GEMIN6: variants seen among roughly 807,000 people sequenced by gnomAD.
The protein encoded by GEMIN6 is gem nuclear organelle associated protein 6.
In GEMIN6, 13 loss-of-function variants were observed where a neutral mutation model predicts 14.1. The observed-to-expected ratio is 0.92, with a 90% CI of 0.60 to 1.46. GEMIN6 has a LOEUF of 1.46. Ranked by LOEUF, GEMIN6 falls within the 40% of genes most tolerant of loss-of-function variation. The pLI is 0.00. For missense variants in GEMIN6, 271 were observed against 202.4 expected (o/e 1.34, Z -2.06); for synonymous variants, 87 against 70.0 (o/e 1.24, Z -1.21).
intron 2 of GEMIN6, chr2:38,779,470 A>T: frequency 3.8e-6 from 1 of 265,060 alleles, no homozygotes; most frequent in South Asian, 3.3e-5. Flanking sequence ...ATCTCCAAGG[A>T]TCTGCCCACC....
At chr2:38,781,354 TG>T (rs1295560540) in intron 2 of GEMIN6, among the ~76,000 whole-genome samples, 162 bp from the exon 3 acceptor site, 2 of 152,210 alleles carry the variant, frequency 1.3e-5, no homozygotes, top group Non-Finnish European at 2.9e-5. Flanking sequence ...GGCTGTAGGC[TG>T]GGCAAAAAGT....
In GEMIN6 at chr2:38,783,310, C is replaced by G. The variant is rs1669131894; in HGVS notation, c.*1418C>G. On this transcript the variant is annotated 3_prime_UTR_variant, in exon 3 of 3. Coordinates refer to ENST00000281950, the MANE Select transcript of GEMIN6 (RefSeq NM_024775.10). Reference sequence around the variant, plus strand: ...TCAAGCCATTCTCCTGCCTCAGCCCCCTCAGTAGCTGGGATTACCAGGCAC... The same window carrying G: ...TCAAGCCATTCTCCTGCCTCAGCCCGCTCAGTAGCTGGGATTACCAGGCAC... The G allele has an allele frequency of 6.6e-6, 1 of 152,438 alleles. No individual in the cohort carries two copies. Among genetic ancestry groups the G allele is most frequent in the East Asian group, 1.9e-4 (1 of 5,200 alleles). 9.4% of individuals were successfully genotyped at this position (152,438 alleles called of 1,614,324 possible).
rs1669140674 is a variant in GEMIN6 at position 38,783,646 on chromosome 2, A to G, written c.*1754A>G. On this transcript the variant is annotated 3_prime_UTR_variant, in exon 3 of 3. Coordinates refer to ENST00000281950, the MANE Select transcript of GEMIN6 (RefSeq NM_024775.10). The stretch of plus-strand genomic sequence containing the variant: ...CCAGCTGTAAGAAATATTTTAAAAT[A>G]TTTAAGCTTCAGGGCCTTTGAATAC... The G allele has an allele frequency of 1.3e-5, 2 of 152,218 alleles. No individual in the cohort carries two copies. The highest frequency in any genetic ancestry group is 3.4e-3 in the Middle Eastern group (1 of 294). The allele number at this position is 152,218 out of a possible 1,614,324, so 9.4% of individuals were successfully genotyped here.
chr2:38,779,650 ATATATATATATATATTTT>A (rs1669032438), intron 2 of GEMIN6, among the ~76,000 whole-genome samples: 2 of 24,880 alleles, frequency 8.0e-5, no homozygotes, highest in Admixed American at 4.4e-4. Context: ...ATATATATAT[ATATATATATATATATTTT>A]TTTTTTTTTT....
chr2:38,783,778 G>T lies in GEMIN6; in HGVS notation c.*1886G>T, dbSNP rs1669144108. 6.6e-6 allele frequency: 1 copy of T among 151,892 alleles called. No homozygotes were observed. Among genetic ancestry groups the T allele is most frequent in the African/African-American group, 2.4e-5 (1 of 41,326 alleles). 9.4% of individuals were successfully genotyped at this position (151,892 alleles called of 1,614,324 possible). ...AGCATCAGAATCAGCAAATATTTAGGTTTCAGGGCCTTTGAATACAGTCTG... is the reference window on the plus strand; with the variant it reads ...AGCATCAGAATCAGCAAATATTTAGTTTTCAGGGCCTTTGAATACAGTCTG... On this transcript the variant is annotated 3_prime_UTR_variant, in exon 3 of 3. Coordinates refer to ENST00000281950, the MANE Select transcript of GEMIN6 (RefSeq NM_024775.10).
Position 38,779,119 on chromosome 2 carries a change from G to C in GEMIN6, c.128+1G>C. On this transcript the variant is annotated splice_donor_variant, in intron 2 of 2. Transcript: ENST00000281950. LOFTEE classifies it high-confidence loss of function. ...TAACTACAGACCCAGTCTCTGCCAA[G>C]TGAGTATGCATCCTACTTGCCTGAA... 2 of 1,611,596 alleles carry C rather than the reference G, an allele frequency of 1.2e-6. No individual in the cohort carries two copies. The highest frequency in any genetic ancestry group is 8.5e-7 in the Non-Finnish European group (1 of 1,178,884).
chr2:38,784,071 C>CA lies in GEMIN6; in HGVS notation c.*2180dup, dbSNP rs1043151776. 3 of 152,198 alleles carry CA rather than the reference C, an allele frequency of 2.0e-5. No individual in the cohort carries two copies. The highest frequency in any genetic ancestry group is 7.2e-5 in the African/African-American group (3 of 41,446). 9.4% of individuals were successfully genotyped at this position (152,198 alleles called of 1,614,324 possible). A position where few individuals can be genotyped will look rare whatever the true frequency, so the allele number is the denominator to read the frequency against. On this transcript the variant is annotated 3_prime_UTR_variant, in exon 3 of 3. Transcript: ENST00000281950. ...TCAGGGGAACAGAAAGTTCCTCCCT[C>CA]ACGGCTTCAAAGTTCCATGATCCTG...
intron 2 of GEMIN6, chr2:38,779,357 A>T (rs760495721): frequency 1.1e-4 from 44 of 418,880 alleles, no homozygotes; most frequent in Middle Eastern, 5.7e-4. Flanking sequence ...TAGCCTCCCG[A>T]GTAGCTGGGA....
rs1669014659 is a variant in GEMIN6, at chr2:38,779,050, C to T, written c.60C>T (p.Val20=). 3 of 1,613,722 alleles carry T rather than the reference C, an allele frequency of 1.9e-6. No individual in the cohort carries two copies. Among genetic ancestry groups the T allele is most frequent in the South Asian group, 2.2e-5 (2 of 91,038 alleles). The change falls in exon 2 of 3, where the codon GTC becomes GTT. Residue 20 remains valine (V), a synonymous_variant. Coordinates refer to ENST00000281950, the MANE Select transcript of GEMIN6 (RefSeq NM_024775.10). ...LEWQDYIYKE[V]RVTASEKNEY... is the part of the protein sequence containing the mutation. ...GGCAAGATTACATTTACAAAGAGGT[C>T]CGAGTGACAGCCAGTGAGAAGAATG...
At chr2:38,781,473 C>T (rs755661752) in intron 2 of GEMIN6, 44 bp from the exon 3 acceptor site, 20 of 1,542,482 alleles carry the variant, frequency 1.3e-5, no homozygotes, top group Non-Finnish European at 1.7e-5. Context: ...TTTTAGTGAC[C>T]TACTTGGGTT....
At chr2:38,781,037 C>T (rs1007941585) in intron 2 of GEMIN6, among the ~76,000 whole-genome samples, 6 of 147,922 alleles carry the variant, frequency 4.1e-5, no homozygotes, top group Admixed American at 1.4e-4. Flanking sequence ...GGCATGATCT[C>T]GGCTCACTGC....
rs1669121717 is a variant in GEMIN6, at chr2:38,782,929, T to C, written c.*1037T>C. 6.6e-6 allele frequency: 1 copy of C among 151,964 alleles called. No homozygotes were observed. The highest frequency in any genetic ancestry group is 2.1e-4 in the South Asian group (1 of 4,796). 9.4% of individuals were successfully genotyped at this position (151,964 alleles called of 1,614,324 possible). ...TGTTCCCCAGGCTGGAGTGTAATAG[T>C]GCAATCTCGGCTTACCACAACCTCT... On this transcript the variant is annotated 3_prime_UTR_variant, in exon 3 of 3. Coordinates refer to ENST00000281950, the MANE Select transcript of GEMIN6 (RefSeq NM_024775.10).
In GEMIN6 at chr2:38,782,398, A is replaced by G. The variant is rs532477772; in HGVS notation, c.*506A>G. 6.6e-6 allele frequency: 1 copy of G among 152,532 alleles called. No homozygotes were observed. The highest frequency in any genetic ancestry group is 1.9e-4 in the East Asian group (1 of 5,166). The allele number at this position is 152,532 out of a possible 1,614,324, so 9.4% of individuals were successfully genotyped here. On this transcript the variant is annotated 3_prime_UTR_variant, in exon 3 of 3. Transcript: ENST00000281950. ...CACCCCCATTTTTGTTAGGCAAGAA[A>G]AGCATTTGGAAAAAAATGTAACATG...
chr2:38,781,514 A>G lies in GEMIN6; in HGVS notation c.129-3A>G, dbSNP rs1357622943. On this transcript the variant is annotated splice_polypyrimidine_tract_variant and splice_region_variant and intron_variant, in intron 2 of 2. Transcript: ENST00000281950. ...TGCCTCTAAACTTACTTTTCCTCCA[A>G]AGTATTGTCCTTGTGAACTTCCTTG... 6.3e-7 allele frequency: 1 copy of G among 1,599,500 alleles called. No individual in the cohort carries two copies. Among genetic ancestry groups the G allele is most frequent in the Admixed American group, 1.7e-5 (1 of 57,724 alleles).
Position 38,782,137 on chromosome 2 carries a change from CTTTTTTCT to C in GEMIN6, c.*260_*267del, listed in dbSNP as rs530706723. ...GGGACATCAGAATTGTATGGGTCTT[CTTTTTTCT>C]TTTTTTCTTTTTTTTTTGAGATGGA... On this transcript the variant is annotated 3_prime_UTR_variant, in exon 3 of 3. Coordinates refer to ENST00000281950, the MANE Select transcript of GEMIN6 (RefSeq NM_024775.10). 7.0e-4 allele frequency: 280 copies of C among 400,360 alleles called. No individual in the cohort carries two copies. The highest frequency in any genetic ancestry group is 5.3e-3 in the African/African-American group (254 of 48,274). The allele number at this position is 400,360 out of a possible 1,614,324, so 24.8% of individuals were successfully genotyped here. A position where few individuals can be genotyped will look rare whatever the true frequency, so the allele number is the denominator to read the frequency against.
At position 38,781,732 on chromosome 2, in the gene GEMIN6, T is replaced by A. The variant is rs1241966099; in HGVS notation, c.344T>A (p.Ile115Asn). The A allele has an allele frequency of 6.2e-7, 1 of 1,614,000 alleles. No individual in the cohort carries two copies. The highest frequency in any genetic ancestry group is 8.5e-7 in the Non-Finnish European group (1 of 1,180,012). ...AAGAAATGGCTTGAGAAGAACCACATCCCCATCACTGAACAGGGAGACGCT... is the reference window on the plus strand; with the variant it reads ...AAGAAATGGCTTGAGAAGAACCACAACCCCATCACTGAACAGGGAGACGCT... ...SLKKWLEKNH[I>N]PITEQGDAPR... Residue 115 changes from isoleucine to asparagine, a missense_variant, in exon 3 of 3, where the codon ATC (isoleucine) becomes AAC (asparagine). Coordinates refer to ENST00000281950, the MANE Select transcript of GEMIN6 (RefSeq NM_024775.10).
Position 38,781,790 on chromosome 2 carries a change from T to C in GEMIN6, c.402T>C (p.Thr134=). ...PRTLCVAGVL[T]IDPPYGPENC... is the part of the protein sequence containing the mutation. ...CTCTCTGTGTGGCTGGGGTCCTGAC[T>C]ATAGACCCACCATATGGTCCAGAAA... The change falls in exon 3 of 3, where the codon ACT becomes ACC. Residue 134 remains threonine, a synonymous_variant. Coordinates refer to ENST00000281950, the MANE Select transcript of GEMIN6 (RefSeq NM_024775.10). 6.2e-7 allele frequency: 1 copy of C among 1,614,184 alleles called. No homozygotes were observed. The highest frequency in any genetic ancestry group is 8.5e-7 in the Non-Finnish European group (1 of 1,180,032).
At chr2:38,778,917 A>G in intron 1 of GEMIN6, 55 bp from the exon 2 acceptor site, 2 of 1,465,396 alleles carry the variant, frequency 1.4e-6, no homozygotes, top group Non-Finnish European at 1.9e-6. Context: ...GAGATTAGGG[A>G]TAAGACATTT....
At position 38,782,151 on chromosome 2, in the gene GEMIN6, T is replaced by TC. The variant is rs1669106578; in HGVS notation, c.*260dup. On this transcript the variant is annotated 3_prime_UTR_variant, in exon 3 of 3. Coordinates refer to ENST00000281950, the MANE Select transcript of GEMIN6 (RefSeq NM_024775.10). ...GTATGGGTCTTCTTTTTTCTTTTTTTCTTTTTTTTTTGAGATGGAGTCTCG... is the reference window on the plus strand; with the variant it reads ...GTATGGGTCTTCTTTTTTCTTTTTTTCCTTTTTTTTTTGAGATGGAGTCTCG... 2.8e-6 allele frequency: 1 copy of TC among 360,466 alleles called. No homozygotes were observed. Among genetic ancestry groups the TC allele is most frequent in the South Asian group, 6.4e-5 (1 of 15,606 alleles). 22.3% of individuals were successfully genotyped at this position (360,466 alleles called of 1,614,324 possible). A position where few individuals can be genotyped will look rare whatever the true frequency, so the allele number is the denominator to read the frequency against.
Sources: gnomAD v4.1 joint callset for allele counts (sites outside exome capture counted in the v4.1 genomes callset) on GRCh38, gnomAD v4.1.1 for gene constraint, MANE v1.5 for transcripts, NCBI Gene and HGNC (gene_info 2026-07-23, HGNC 2026-07-21) for gene names.